DENND2B: variants seen among roughly 807,000 people sequenced by gnomAD.
DENND2B encodes DENN domain containing 2B, also known as DENN domain-containing protein 2B.
Under a neutral mutation model 116.0 loss-of-function variants are expected in DENND2B, and 32 were observed. The ratio of observed to expected loss-of-function variants is 0.28; its 90% CI spans 0.21 to 0.37. DENND2B has a LOEUF of 0.37. DENND2B is among the 10% of genes least tolerant of loss of function. The pLI, the probability that DENND2B is intolerant of heterozygous loss-of-function variation, is 1.00. For synonymous variants in DENND2B, 588 were observed against 583.9 expected (o/e 1.01, Z -0.10); for missense variants, 1,276 against 1,477.7 (o/e 0.86, Z 2.24).
At chr11:8,727,900 GTT>G (rs35687800) in intron 3 of DENND2B, among the ~76,000 whole-genome samples, 12 of 121,588 alleles carry the variant, frequency 9.9e-5, no homozygotes, top group Admixed American at 8.8e-5. Context: ...TTCTCCCCAG[GTT>G]TTTTTTTTTT....
chr11:8,839,080 G>C (rs1312984774), intron 4 of DENND2B, among the ~76,000 whole-genome samples: 1 of 152,212 alleles, frequency 6.6e-6, no homozygotes, highest in Non-Finnish European at 1.5e-5. Context: ...AAGAGAGAAA[G>C]AGAATGGATA....
At position 8,696,592 on chromosome 11, in the gene DENND2B, G is replaced by A. The variant is rs2040396418; in HGVS notation, c.3127C>T (p.Leu1043Phe). 1.4e-5 allele frequency: 23 copies of A among 1,614,206 alleles called. No homozygotes were observed. Among genetic ancestry groups the A allele is most frequent in the African/African-American group, 2.7e-5 (2 of 75,046 alleles). Residue 1043 changes from leucine (L) to phenylalanine (F), a missense_variant, in exon 18 of 20, where the codon CTC becomes TTC. This residue lies in a region of DENND2B where 420 missense variants were observed against 631.1 expected (regional missense o/e 0.67). Transcript: ENST00000313726. ...FFVETVGHYS[L>F]FLTQSEKGER... is the part of the protein sequence containing the mutation. Reference sequence around the variant, plus strand: ...CCCTTCTCACTCTGTGTCAGAAAGAGGGAGTAGTGCCCAACGGTCTCCACA... The same window carrying A: ...CCCTTCTCACTCTGTGTCAGAAAGAAGGAGTAGTGCCCAACGGTCTCCACA...
intron 1 of DENND2B, among the ~76,000 whole-genome samples, chr11:8,908,493 T>G (rs1413318497): frequency 6.6e-6 from 1 of 152,226 alleles, no homozygotes; most frequent in Non-Finnish European, 1.5e-5. Flanking sequence ...AGATATTAAC[T>G]TACTTGATAT....
chr11:8,861,217 C>G (rs753896186), intron 2 of DENND2B, among the ~76,000 whole-genome samples: 3 of 152,018 alleles, frequency 2.0e-5, no homozygotes, highest in Non-Finnish European at 4.4e-5. Context: ...GGCTTCTGCA[C>G]AGCAAAAGAA....
chr11:8,823,356 A>G (rs1412011110), intron 4 of DENND2B, among the ~76,000 whole-genome samples: 1 of 152,218 alleles, frequency 6.6e-6, no homozygotes, highest in Non-Finnish European at 1.5e-5. Context: ...TCAACCAGGA[A>G]GAGGAGCTCT....
chr11:8,889,058 T>C (rs2063994408), intron 1 of DENND2B, among the ~76,000 whole-genome samples: 1 of 152,152 alleles, frequency 6.6e-6, no homozygotes. Context: ...TACCATATGT[T>C]CCAGCAATTC....
intron 3 of DENND2B, among the ~76,000 whole-genome samples, chr11:8,844,965 T>C (rs983773166): frequency 5.5e-4 from 83 of 152,112 alleles, no homozygotes; most frequent in African/African-American, 1.9e-3. Flanking sequence ...TGGTTTCGAA[T>C]TACTGGCCTC....
rs533769433 is a variant in DENND2B, at chr11:8,804,502, G to A, written c.-26+6015C>T. 5.3e-5 allele frequency among the ~76,000 whole-genome samples: 8 copies of A among 149,920 alleles called. No individual in the cohort carries two copies. The South Asian group carries it at 1.5e-3, about 28-fold the overall frequency. On this transcript the variant is annotated intron_variant, in intron 1 of 19. Coordinates refer to ENST00000313726, the MANE Select transcript of DENND2B (RefSeq NM_213618.2). ...CACAGACCCCAGACCAGACTACCTGGGGTCTTGACAGAAAGATGAACGAGA... is the reference window on the plus strand; with the variant it reads ...CACAGACCCCAGACCAGACTACCTGAGGTCTTGACAGAAAGATGAACGAGA...
upstream of DENND2B, among the ~76,000 whole-genome samples, chr11:8,873,992 T>C (rs1401461717): frequency 6.6e-6 from 1 of 152,196 alleles, no homozygotes; most frequent in Admixed American, 6.5e-5. Context: ...AGGAGGAATT[T>C]GGTAAATTTA....
intron 2 of DENND2B, among the ~76,000 whole-genome samples, chr11:8,744,203 G>T (rs958229752): frequency 6.7e-6 from 1 of 149,580 alleles, no homozygotes; most frequent in Non-Finnish European, 1.5e-5. Flanking sequence ...GCGTGATCTC[G>T]GCTCACCACA....
In DENND2B at chr11:8,699,245, G is replaced by A. The variant is rs760023564; in HGVS notation, c.2866C>T (p.Leu956Phe). 2.2e-5 allele frequency: 35 copies of A among 1,580,860 alleles called. No homozygotes were observed. The highest frequency in any genetic ancestry group is 2.3e-5 in the Non-Finnish European group (27 of 1,168,876). The part of the protein sequence containing the change: ...PFLVGLLSSS[L>F]PKLKELPVEE... ...ACAGGCAGCTCCTTCAGTTTGGGGA[G>A]GGAGCTGGAGAGCAGGCCAACCAGG... Residue 956 changes from leucine (L) to phenylalanine (F), a missense_variant, in exon 15 of 20, where the codon CTC becomes TTC. Physicochemically the swap from Leu to Phe is conservative, Grantham distance 22. Transcript: ENST00000313726.
At chr11:8,788,013 A>G (rs11042066) in intron 1 of DENND2B, among the ~76,000 whole-genome samples, 89,470 of 151,692 alleles carry the variant, frequency 0.59, 27,190 homozygotes, top group Non-Finnish European at 0.66. Context: ...AAAAGGGGTC[A>G]CTCTACCTTT....
chr11:8,737,760 T>C (rs2049348192), intron 2 of DENND2B, among the ~76,000 whole-genome samples: 2 of 151,898 alleles, frequency 1.3e-5, no homozygotes, highest in South Asian at 4.2e-4. Context: ...CTTCCTCTTC[T>C]TCCTCTCCTT....
At chr11:8,828,430 A>G (rs1036266213) in intron 4 of DENND2B, among the ~76,000 whole-genome samples, 4 of 152,108 alleles carry the variant, frequency 2.6e-5, no homozygotes, top group South Asian at 2.1e-4. Context: ...AGGGGCTCCA[A>G]TGCAGCTGTA....
intron 1 of DENND2B, among the ~76,000 whole-genome samples, chr11:8,908,688 T>C (rs1373686728): frequency 6.6e-6 from 1 of 152,190 alleles, no homozygotes; most frequent in Non-Finnish European, 1.5e-5. Context: ...CTGCAAAACC[T>C]TTCTTGATCC....
chr11:8,746,742 G>A (rs2051329175), intron 2 of DENND2B, among the ~76,000 whole-genome samples: 1 of 152,162 alleles, frequency 6.6e-6, no homozygotes, highest in South Asian at 2.1e-4. Flanking sequence ...GAAAAGCCCT[G>A]CAAACCAGGC....
Position 8,774,042 on chromosome 11 carries a change from T to A in DENND2B, c.-25-23317A>T, listed in dbSNP as rs1422283906. On this transcript the variant is annotated intron_variant, in intron 1 of 19. Transcript: ENST00000313726. ...CCCTCTGTAAGCTTCAGTTTTCTCA[T>A]CTGTAAAATGGAGAGAACAGTTCCA... 9.7e-6 allele frequency: 9 copies of A among 928,972 alleles called. No individual in the cohort carries two copies. The African/African-American group carries it at 1.2e-4, about 13-fold the overall frequency. The allele number at this position is 928,972 out of a possible 1,614,324, so 57.5% of individuals were successfully genotyped here.
At chr11:8,874,829 G>A (rs1160072780), upstream of DENND2B, among the ~76,000 whole-genome samples, 2 of 152,096 alleles carry the variant, frequency 1.3e-5, no homozygotes, top group African/African-American at 2.4e-5. Flanking sequence ...AGACATTGAG[G>A]TGGGAGGATT....
At chr11:8,781,515 C>T (rs1402369951) in intron 1 of DENND2B, among the ~76,000 whole-genome samples, 1 of 152,128 alleles carries the variant, frequency 6.6e-6, no homozygotes, top group African/African-American at 2.4e-5. Context: ...GATGATAAAA[C>T]TATTCCCAGA....
Sources: gnomAD v4.1 joint callset for allele counts (sites outside exome capture counted in the v4.1 genomes callset) on GRCh38, gnomAD v4.1.1 for gene constraint, gnomAD v4.1.1 regional missense constraint, MANE v1.5 for transcripts, NCBI Gene and HGNC (gene_info 2026-07-23, HGNC 2026-07-21) for gene names.